Variants in HDAC9 observed in about 807,000 individuals in gnomAD.
The protein encoded by HDAC9 is MEF-2 interacting transcription repressor (MITR) protein.
In HDAC9, 41 loss-of-function variants were observed where a neutral mutation model predicts 139.4. The observed-to-expected ratio is 0.29, with a 90% CI of 0.23 to 0.38. HDAC9 has a LOEUF of 0.38. Ranked by LOEUF, HDAC9 falls within the 10% of genes least tolerant of loss-of-function variation. The pLI is 1.00. For synonymous variants in HDAC9, 517 were observed against 476.2 expected (o/e 1.09, Z -1.12); for missense variants, 1,147 against 1,297.0 (o/e 0.88, Z 1.78).
At chr7:18,197,306 T>G (rs1046361025) in intron 2 of HDAC9, among the ~76,000 whole-genome samples, 1 of 152,124 alleles carries the variant, frequency 6.6e-6, no homozygotes, top group Non-Finnish European at 1.5e-5. Context: ...TGACTAGATA[T>G]GGGAGCCACA....
At chr7:18,178,391 T>TTAA (rs1789126008) in intron 2 of HDAC9, among the ~76,000 whole-genome samples, 1 of 152,230 alleles carries the variant, frequency 6.6e-6, no homozygotes, top group Admixed American at 6.5e-5. Flanking sequence ...GGCCCCCCTC[T>TTAA]TTCTAAGGTG....
chr7:18,954,372 C>G, intron 24 of HDAC9, 142 bp downstream of exon 24: 1 of 653,782 alleles, frequency 1.5e-6, no homozygotes, highest in Admixed American at 3.2e-5. Flanking sequence ...TAATGTGTTG[C>G]TCTTAATGCA....
chr7:18,748,248 T>C (rs1254811438), intron 13 of HDAC9, among the ~76,000 whole-genome samples: 1 of 152,182 alleles, frequency 6.6e-6, no homozygotes, highest in Non-Finnish European at 1.5e-5. Flanking sequence ...GTCTTTCCCA[T>C]CATAAGGCTT....
At chr7:18,511,001 G>C (rs1449576656) in intron 2 of HDAC9, among the ~76,000 whole-genome samples, 1 of 152,182 alleles carries the variant, frequency 6.6e-6, no homozygotes, top group Non-Finnish European at 1.5e-5. Flanking sequence ...TGAGAAAGGA[G>C]TTAGATAATA....
chr7:18,593,870 C>G, intron 5 of HDAC9, 38 bp from the exon 6 acceptor site: 1 of 1,610,278 alleles, frequency 6.2e-7, no homozygotes, highest in Middle Eastern at 1.7e-4. Context: ...GCAGTAAAAA[C>G]TACCAAGTAA....
At chr7:18,494,920 T>G (rs1000664414), upstream of HDAC9, among the ~76,000 whole-genome samples, 2 of 152,070 alleles carry the variant, frequency 1.3e-5, no homozygotes, top group African/African-American at 4.8e-5. Context: ...GAGGGGAAAT[T>G]TTCACATATA....
intron 22 of HDAC9, among the ~76,000 whole-genome samples, chr7:18,931,439 C>G (rs1804735187): frequency 6.6e-6 from 1 of 152,018 alleles, no homozygotes; most frequent in African/African-American, 2.4e-5. Context: ...TTTTTAAATC[C>G]TTTTTAAATG....
chr7:18,991,290 C>T lies in HDAC9; in HGVS notation c.3171-4733C>T, dbSNP rs930279663. ...AACATAAAACAAAATTCACAAAATA[C>T]GAACTAATATATGAATTAGTTATAT... is the stretch of plus-strand genomic sequence containing the variant. On this transcript the variant is annotated intron_variant, in intron 25 of 25. Transcript: ENST00000686413. 1.4e-4 allele frequency among the ~76,000 whole-genome samples: 22 copies of T among 152,074 alleles called. No individual in the cohort carries two copies. The East Asian group carries it at 1.9e-3, about 13-fold the overall frequency.
intron 12 of HDAC9, among the ~76,000 whole-genome samples, chr7:18,720,351 A>G (rs891405120): frequency 6.6e-6 from 1 of 151,540 alleles, no homozygotes; most frequent in African/African-American, 2.4e-5. Context: ...AATTTTAATA[A>G]TGTTTTAATG....
intron 23 of HDAC9, among the ~76,000 whole-genome samples, chr7:18,951,116 A>C (rs1030611158): frequency 6.6e-6 from 1 of 151,994 alleles, no homozygotes; most frequent in African/African-American, 2.4e-5. Flanking sequence ...CTATAGATGA[A>C]TCTTAGGCAA....
At chr7:18,526,125 T>A (rs1336526487) in intron 2 of HDAC9, among the ~76,000 whole-genome samples, 2 of 152,214 alleles carry the variant, frequency 1.3e-5, no homozygotes, top group African/African-American at 2.4e-5. Flanking sequence ...CAAAGCAATT[T>A]TGAAATAATT....
At chr7:18,562,925 A>G (rs1821057109) in intron 2 of HDAC9, among the ~76,000 whole-genome samples, 2 of 152,080 alleles carry the variant, frequency 1.3e-5, no homozygotes, top group Non-Finnish European at 2.9e-5. Flanking sequence ...ATTTCCTTCC[A>G]TACAGTGTTG....
chr7:18,826,663 T>TTTG (rs1795464057), intron 17 of HDAC9, among the ~76,000 whole-genome samples: 1 of 140,754 alleles, frequency 7.1e-6, no homozygotes, highest in African/African-American at 2.9e-5. Context: ...TTTTTTTTTT[T>TTTG]GGTTTTGTTT....
Position 18,874,734 on chromosome 7 carries a change from G to C in HDAC9, c.2803+138G>C, listed in dbSNP as rs181695034. ...GAAAATGATTCAGGTGGTGTTTATTGCTCTGTCGGATTCATGTTTCTGTAG... is the reference window on the plus strand; with the variant it reads ...GAAAATGATTCAGGTGGTGTTTATTCCTCTGTCGGATTCATGTTTCTGTAG... On this transcript the variant is annotated intron_variant, in intron 22 of 25. Coordinates refer to ENST00000686413, the MANE Select transcript of HDAC9 (RefSeq NM_178425.4). 8.3e-6 allele frequency: 5 copies of C among 602,644 alleles called. 1 individual carries two copies. The South Asian group carries it at 1.0e-4, about 12-fold the overall frequency. The allele number at this position is 602,644 out of a possible 1,614,324, so 37.3% of individuals were successfully genotyped here.
At chr7:18,370,240 A>G (rs1198612089) in intron 1 of HDAC9, among the ~76,000 whole-genome samples, 4 of 152,200 alleles carry the variant, frequency 2.6e-5, no homozygotes, top group Non-Finnish European at 5.9e-5. Context: ...GGTTCTAGTT[A>G]GAATCCCATA....
intron 2 of HDAC9, among the ~76,000 whole-genome samples, chr7:18,246,863 A>G (rs539455757): frequency 6.6e-6 from 1 of 152,234 alleles, no homozygotes. Context: ...ATGGCTCAGA[A>G]CAGGGTAGCA....
chr7:18,500,496 G>T (rs1297124552), intron 2 of HDAC9, among the ~76,000 whole-genome samples: 1 of 152,128 alleles, frequency 6.6e-6, no homozygotes, highest in Non-Finnish European at 1.5e-5. Context: ...ATAACAGAGA[G>T]ACCTGTCTCC....
At chr7:18,415,978 T>C (rs1357814898) in intron 1 of HDAC9, among the ~76,000 whole-genome samples, 1 of 152,150 alleles carries the variant, frequency 6.6e-6, no homozygotes, top group Admixed American at 6.5e-5. Flanking sequence ...TATTATTGGA[T>C]TGGAGTTGCT....
At chr7:18,559,876 C>T (rs2128702369) in intron 2 of HDAC9, among the ~76,000 whole-genome samples, 1 of 152,294 alleles carries the variant, frequency 6.6e-6, no homozygotes, top group South Asian at 2.1e-4. Flanking sequence ...GTAATGCTGG[C>T]TATACCACCT....
Sources: gnomAD v4.1 joint callset for allele counts (sites outside exome capture counted in the v4.1 genomes callset) on GRCh38, gnomAD v4.1.1 for gene constraint, MANE v1.5 for transcripts, NCBI Gene and HGNC (gene_info 2026-07-23, HGNC 2026-07-21) for gene names.